Variants in FRMPD4 observed in about 807,000 individuals in gnomAD.
FRMPD4 encodes the protein FERM and PDZ domain containing 4, also known as FERM and PDZ domain-containing protein 4.
FRMPD4 carries 22 observed loss-of-function variants against 94.1 expected under a neutral mutation model. That is an observed-to-expected ratio of 0.23 (90% CI 0.17 to 0.33). The LOEUF (loss-of-function observed/expected upper bound fraction) is 0.33. Ranked by LOEUF, FRMPD4 falls within the 10% of genes least tolerant of loss-of-function variation. The pLI is 1.00. For synonymous variants in FRMPD4, 631 were observed against 548.6 expected, an observed-to-expected ratio of 1.15 and a Z score of -2.10; for missense variants, 1,111 against 1,339.9, an observed-to-expected ratio of 0.83 and a Z score of 2.67.
intron 3 of FRMPD4, among the ~76,000 whole-genome samples, chrX:11,959,626 G>A (rs1320492662): frequency 8.9e-6 from 1 of 111,817 alleles, no homozygotes; most frequent in African/African-American, 3.3e-5. Context: ...CAGAAGGACA[G>A]CAGTCAGGTG....
rs933470159 is a variant in FRMPD4 at position 12,058,115 on chromosome X, C to T, written c.95+180097C>T. Among the ~76,000 whole-genome samples, 13 of 111,148 alleles carry T rather than the reference C, an allele frequency of 1.2e-4. No homozygotes were observed. The East Asian group carries it at 1.4e-3, about 12-fold the overall frequency. On this transcript the variant is annotated intron_variant, in intron 3 of 18. Transcript: ENST00000640291. ...TGGTCTTGCAGAACATGTAGTGGCC[C>T]GGGACAAAGTCTCTTAGGCCCACAG... is the stretch of plus-strand genomic sequence containing the variant.
At chrX:12,307,667 C>T (rs1213734230) in intron 1 of FRMPD4, among the ~76,000 whole-genome samples, 3 of 111,598 alleles carry the variant, frequency 2.7e-5, no homozygotes, top group Non-Finnish European at 5.6e-5. Context: ...AAAAATTCAT[C>T]GAACTGCATA....
chrX:12,000,078 T>G (rs990645115), intron 3 of FRMPD4, among the ~76,000 whole-genome samples: 8 of 112,290 alleles, frequency 7.1e-5, no homozygotes, highest in African/African-American at 2.6e-4. Context: ...TTCTCAGATT[T>G]ATTACTTTTT....
chrX:12,492,173 A>G (rs745882438), intron 1 of FRMPD4, among the ~76,000 whole-genome samples: 2 of 112,146 alleles, frequency 1.8e-5, no homozygotes, highest in Non-Finnish European at 3.8e-5. Context: ...GACTCTATAG[A>G]TACATGGCCT....
chrX:12,058,637 A>C (rs1183230651), intron 3 of FRMPD4, among the ~76,000 whole-genome samples: 1 of 111,553 alleles, frequency 9.0e-6, no homozygotes, highest in African/African-American at 3.2e-5. Flanking sequence ...ATGAAACTAA[A>C]ATATCTAATT....
rs756306578 is a variant in FRMPD4 at position 11,857,291 on chromosome X, T to C, written c.-160-7795T>C. Reference sequence around the variant, plus strand: ...AAGAACAAAGCTGGAAGCATCATGCTACCTGATGTCAAACTGTACTACAGA... The same window carrying C: ...AAGAACAAAGCTGGAAGCATCATGCCACCTGATGTCAAACTGTACTACAGA... On this transcript the variant is annotated intron_variant, in intron 1 of 18. Transcript: ENST00000640291. Among the ~76,000 whole-genome samples the C allele has an allele frequency of 2.7e-5, 3 of 111,724 alleles. No homozygotes were observed. The South Asian group carries it at 1.1e-3, about 42-fold the overall frequency.
intron 4 of FRMPD4, among the ~76,000 whole-genome samples, chrX:12,632,504 C>A (rs1473793500): frequency 1.8e-5 from 2 of 112,314 alleles, no homozygotes; most frequent in Non-Finnish European, 3.8e-5. Flanking sequence ...ATACTATTAA[C>A]AGTAGAAGAT....
chrX:11,948,090 C>CAAA (rs11367252), intron 3 of FRMPD4, among the ~76,000 whole-genome samples: 16 of 56,559 alleles, frequency 2.8e-4, no homozygotes, highest in Non-Finnish European at 1.9e-4. Context: ...AACTCCATCA[C>CAAA]AAAAAAAAAA....
intron 4 of FRMPD4, among the ~76,000 whole-genome samples, chrX:12,646,718 T>C (rs2059551157): frequency 8.9e-6 from 1 of 112,500 alleles, no homozygotes; most frequent in South Asian, 3.7e-4. Flanking sequence ...TGTCTTCGAA[T>C]TGAAGCTTCT....
intron 2 of FRMPD4, among the ~76,000 whole-genome samples, chrX:11,868,132 T>C (rs897423802): frequency 8.9e-6 from 1 of 112,427 alleles, no homozygotes; most frequent in African/African-American, 3.2e-5. Flanking sequence ...CTTCCCTATC[T>C]GCAGTACATT....
At chrX:12,705,531 A>AT (rs60352293) in intron 11 of FRMPD4, among the ~76,000 whole-genome samples, 12,451 of 105,960 alleles carry the variant, frequency 0.12, 1,810 homozygotes, top group African/African-American at 0.4. Flanking sequence ...CCCCACGACA[A>AT]TTTTTTTTTT....
chrX:12,651,890 G>C (rs980365250), intron 4 of FRMPD4, among the ~76,000 whole-genome samples: 1 of 112,428 alleles, frequency 8.9e-6, no homozygotes, highest in Admixed American at 9.4e-5. Context: ...CTTTCTAACA[G>C]CTTCAACTTG....
intron 2 of FRMPD4, among the ~76,000 whole-genome samples, chrX:12,556,051 GA>G (rs760106064): frequency 5.6e-4 from 62 of 110,714 alleles, no homozygotes; most frequent in African/African-American, 2.0e-3. Flanking sequence ...CGAGAAGATG[GA>G]ACTACAGGCA....
At chrX:12,095,407 CAT>C (rs1305967182) in intron 3 of FRMPD4, among the ~76,000 whole-genome samples, 1 of 109,441 alleles carries the variant, frequency 9.1e-6, no homozygotes, top group East Asian at 2.9e-4. Context: ...TATTTCATGA[CAT>C]GTGAAAATTA....
intron 1 of FRMPD4, chrX:12,341,669 C>T (rs1157901120): frequency 9.2e-6 from 3 of 325,099 alleles, no homozygotes; most frequent in Non-Finnish European, 1.8e-5. Flanking sequence ...TGAACTCTGA[C>T]TCTAAACCTT....
chrX:12,085,442 G>C (rs892535944), intron 3 of FRMPD4, among the ~76,000 whole-genome samples: 2 of 111,752 alleles, frequency 1.8e-5, no homozygotes, highest in South Asian at 7.5e-4. Flanking sequence ...GCTGAGGTGG[G>C]TGGGAGGATC....
intron 1 of FRMPD4, among the ~76,000 whole-genome samples, chrX:11,849,951 T>A (rs1260622802): frequency 8.9e-6 from 1 of 111,735 alleles, no homozygotes; most frequent in Non-Finnish European, 1.9e-5. Context: ...ATTTAAAACA[T>A]CTGTGCATCA....
intron 2 of FRMPD4, among the ~76,000 whole-genome samples, chrX:12,553,433 C>CATATATATATATATATATAT (rs1257665252): frequency 1.7e-4 from 5 of 28,753 alleles, no homozygotes; most frequent in African/African-American, 2.6e-4. Flanking sequence ...TATCCATATG[C>CATATATATATATATATATAT]CTATATATAT....
intron 1 of FRMPD4, among the ~76,000 whole-genome samples, chrX:12,437,333 CACACACACACAA>C (rs995105978): frequency 9.9e-5 from 11 of 111,420 alleles, no homozygotes; most frequent in Admixed American, 3.8e-4. Flanking sequence ...CAATTTATTA[CACACACACACAA>C]ACACACACAC....
Sources: gnomAD v4.1 joint callset for allele counts (sites outside exome capture counted in the v4.1 genomes callset) on GRCh38, gnomAD v4.1.1 for gene constraint, MANE v1.5 for transcripts, NCBI Gene and HGNC (gene_info 2026-07-23, HGNC 2026-07-21) for gene names.